The following PDE6C variants were observed in gnomAD, a reference collection of about 807,000 sequenced individuals.
PDE6C encodes cone cGMP-specific 3',5'-cyclic phosphodiesterase subunit alpha'.
In PDE6C, 75 loss-of-function variants were observed where a neutral mutation model predicts 113.1. The observed-to-expected ratio is 0.66, with a 90% CI of 0.55 to 0.80. The LOEUF (loss-of-function observed/expected upper bound fraction) is 0.80. Ranked by LOEUF, PDE6C falls within the 30% of genes least tolerant of loss-of-function variation. The pLI, the probability that PDE6C is intolerant of heterozygous loss-of-function variation, is 0.00. For missense variants in PDE6C, 912 were observed against 1,038.6 expected (o/e 0.88, Z 1.67); for synonymous variants, 375 against 363.7 (o/e 1.03, Z -0.35).
chr10:93,613,552 C>T (rs764083503), intron 1 of PDE6C, among the ~76,000 whole-genome samples: 7 of 152,218 alleles, frequency 4.6e-5, no homozygotes, highest in African/African-American at 1.7e-4. Context: ...CTTTCCTTCT[C>T]AGCAACACCA....
chr10:93,614,809 G>A (rs926390425), intron 1 of PDE6C, among the ~76,000 whole-genome samples: 1 of 152,050 alleles, frequency 6.6e-6, no homozygotes, highest in Non-Finnish European at 1.5e-5. Context: ...ACTTCATCTG[G>A]GAGTGGGGAG....
At chr10:93,636,365 G>GGGGT (rs1554890047) in intron 10 of PDE6C, among the ~76,000 whole-genome samples, 21 of 23,434 alleles carry the variant, frequency 9.0e-4, no homozygotes, top group Non-Finnish European at 1.8e-3. Flanking sequence ...TATTTCCCTG[G>GGGGT]CTTTGTGTGT....
At chr10:93,631,010 C>A in intron 8 of PDE6C, among the ~76,000 whole-genome samples, 1 of 152,234 alleles carries the variant, frequency 6.6e-6, no homozygotes, top group Non-Finnish European at 1.5e-5. Flanking sequence ...CTTAAGCAGT[C>A]ATTGTCTAAA....
At chr10:93,652,455 G>C (rs532368100) in intron 15 of PDE6C, among the ~76,000 whole-genome samples, 25 of 152,272 alleles carry the variant, frequency 1.6e-4, no homozygotes, top group African/African-American at 5.8e-4. Context: ...AAATGAAAAT[G>C]AGTGAGAAGA....
chr10:93,646,883 G>A (rs2058587040), intron 15 of PDE6C, among the ~76,000 whole-genome samples: 3 of 152,250 alleles, frequency 2.0e-5, no homozygotes, highest in South Asian at 4.2e-4. Flanking sequence ...TAGGCATGAC[G>A]TAGCCACCAT....
chr10:93,630,215 C>T (rs1310355183), intron 8 of PDE6C, among the ~76,000 whole-genome samples: 3 of 152,130 alleles, frequency 2.0e-5, no homozygotes, highest in Non-Finnish European at 2.9e-5. Flanking sequence ...CCTCCACTCA[C>T]CGCCAGATGC....
At position 93,659,161 on chromosome 10, in the gene PDE6C, A is replaced by C. The variant is rs2133877393; in HGVS notation, c.2202A>C (p.Gln734His). 1 of 1,607,022 alleles carries C rather than the reference A, an allele frequency of 6.2e-7. No individual in the cohort carries two copies. The highest frequency in any genetic ancestry group is 2.2e-5 in the East Asian group (1 of 44,762). ...CTATTACCAAGCCCTGGGAGGTGCA[A>C]AGTCAGGTGAGTCCAGTTAAGTTTT... ...LSAITKPWEV[Q>H]SQVALMVANE... The change falls in exon 18 of 22, where the codon CAA (glutamine) becomes CAC (histidine). Residue 734 changes from glutamine to histidine, a missense_variant. By Grantham distance (24) the Gln-to-His change is conservative. Coordinates refer to ENST00000371447, the MANE Select transcript of PDE6C (RefSeq NM_006204.4).
chr10:93,664,074 C>T (rs2058678974), intron 21 of PDE6C, among the ~76,000 whole-genome samples: 3 of 152,114 alleles, frequency 2.0e-5, no homozygotes, highest in Admixed American at 6.5e-5. Context: ...TTTTTGACTC[C>T]TTGATATCCA....
At chr10:93,661,971 C>T (rs962484765) in intron 18 of PDE6C, 88 bp from the exon 19 acceptor site, 14 of 841,776 alleles carry the variant, frequency 1.7e-5, no homozygotes, top group East Asian at 5.0e-5. Flanking sequence ...TGACTGTAAA[C>T]TCGATCCTTA....
intron 15 of PDE6C, among the ~76,000 whole-genome samples, chr10:93,647,468 G>A (rs1434398161): frequency 1.3e-5 from 2 of 152,146 alleles, no homozygotes; most frequent in Non-Finnish European, 2.9e-5. Context: ...AATGGAAAAA[G>A]AAGAAAACTG....
At chr10:93,632,392 G>T (rs12217346) in intron 8 of PDE6C, among the ~76,000 whole-genome samples, 4,350 of 152,260 alleles carry the variant, frequency 0.029, 87 homozygotes, top group East Asian at 0.095. Context: ...GGACTAAGGG[G>T]TCTTCCTTTA....
At chr10:93,613,354 G>A (rs1234664702) in intron 1 of PDE6C, 149 bp downstream of exon 1, 3 of 1,082,888 alleles carry the variant, frequency 2.8e-6, no homozygotes, top group African/African-American at 3.1e-5. Flanking sequence ...CAGGCCTAGT[G>A]TTGCCAAATT....
Position 93,612,567 on chromosome 10 carries a change from A to C in PDE6C, c.-159A>C, listed in dbSNP as rs79102194. ...ATCCCAAGAGTTACAGGCAGTTTGA[A>C]AGCTCTGCTTTCTGCTTGACCTTTG... On this transcript the variant is annotated 5_prime_UTR_variant, in exon 1 of 22. Coordinates refer to ENST00000371447, the MANE Select transcript of PDE6C (RefSeq NM_006204.4). 2,064 of 957,434 alleles carry C rather than the reference A, an allele frequency of 2.2e-3. 38 individuals are homozygous for C. In the African/African-American group the frequency reaches 0.029, roughly 14 times the overall value. 59.3% of individuals were successfully genotyped at this position (957,434 alleles called of 1,614,324 possible).
Position 93,634,879 on chromosome 10 carries a change from T to C in PDE6C, c.1241T>C (p.Phe414Ser). Residue 414 changes from phenylalanine (F) to serine (S), a missense_variant, in exon 9 of 22, where the codon TTC becomes TCC. By Grantham distance (155) the Phe-to-Ser change is radical. Transcript: ENST00000371447. ...TFYNRKDGKP[F>S]DEHDEYITET... ...TACAACAGGAAGGATGGAAAACCTT[T>C]CGATGAGCATGATGAATACATTACC... 1 of 1,614,104 alleles carries C rather than the reference T, an allele frequency of 6.2e-7. No homozygotes were observed. The highest frequency in any genetic ancestry group is 1.1e-5 in the South Asian group (1 of 91,080).
chr10:93,621,060 C>G, intron 3 of PDE6C, 80 bp downstream of exon 3: 1 of 1,144,722 alleles, frequency 8.7e-7, no homozygotes. Flanking sequence ...TCAGACCCCT[C>G]CTATTCCTCC....
intron 16 of PDE6C, among the ~76,000 whole-genome samples, chr10:93,658,492 A>G (rs1165916650): frequency 6.6e-6 from 1 of 151,960 alleles, no homozygotes. Context: ...TTTCATTTTT[A>G]AAGAGACAGG....
rs770019421 is a variant in PDE6C at position 93,640,133 on chromosome 10, C to T, written c.1546C>T (p.Leu516Phe). The change falls in exon 12 of 22, where the codon CTT becomes TTT. Residue 516 changes from leucine (L) to phenylalanine (F), a missense_variant. By Grantham distance (22) the Leu-to-Phe change is conservative. Transcript: ENST00000371447. ...CGAATTCCGCTTCAGTGACTTCCCC[C>T]TTACAGAGCACGGATTGATTAAATG... Reference protein sequence around the residue: ...LYEFRFSDFPLTEHGLIKCGI... With the variant: ...LYEFRFSDFPFTEHGLIKCGI... 2 of 1,613,828 alleles carry T rather than the reference C, an allele frequency of 1.2e-6. No homozygotes were observed. The highest frequency in any genetic ancestry group is 1.1e-5 in the South Asian group (1 of 91,078).
intron 7 of PDE6C, 141 bp from the exon 8 acceptor site, chr10:93,629,117 T>C: frequency 1.4e-6 from 1 of 737,956 alleles, no homozygotes; most frequent in Non-Finnish European, 2.5e-6. Flanking sequence ...TGTGGCCTAG[T>C]TGAGGTCCAT....
intron 1 of PDE6C, among the ~76,000 whole-genome samples, chr10:93,614,559 G>T (rs982298811): frequency 6.6e-6 from 1 of 152,164 alleles, no homozygotes; most frequent in Non-Finnish European, 1.5e-5. Context: ...TTTTCTCATG[G>T]GAATACGCTC....
Sources: gnomAD v4.1 joint callset for allele counts (sites outside exome capture counted in the v4.1 genomes callset) on GRCh38, gnomAD v4.1.1 for gene constraint, MANE v1.5 for transcripts, NCBI Gene and HGNC (gene_info 2026-07-23, HGNC 2026-07-21) for gene names.